The following DHPS variants were observed in gnomAD, a reference collection of about 807,000 sequenced individuals.
The protein encoded by DHPS is migration-inducing gene 13.
In DHPS, 24 loss-of-function variants were observed where a neutral mutation model predicts 38.7. That is an observed-to-expected ratio of 0.62 (90% CI 0.45 to 0.87). The LOEUF is 0.87. Ranked by LOEUF, DHPS falls within the 40% of genes least tolerant of loss-of-function variation. DHPS has a pLI of 0.00. For missense variants in DHPS, 510 were observed against 497.6 expected (o/e 1.02, Z -0.24); for synonymous variants, 250 against 204.4 (o/e 1.22, Z -1.90).
At chr19:12,679,350 AG>A in intron 5 of DHPS, 106 bp downstream of exon 5, 1 of 1,075,464 alleles carries the variant, frequency 9.3e-7, no homozygotes, top group Non-Finnish European at 1.4e-6. Flanking sequence ...CTCATCTAAG[AG>A]TGAGGATGCT....
rs1050609 is a variant in DHPS at position 12,680,279 on chromosome 19, G to A, written c.254C>T (p.Ala85Val). ...EPLSQDEDQH[A>V]DLTQSRRPLT... ...TGGGCGGCGGCTCTGGGTCAGGTCC[G>A]CGTGCTGGTCTTCATCCTGTGACAG... The change falls in exon 2 of 9, where the codon GCG (alanine) becomes GTG (valine). Residue 85 changes from alanine to valine, a missense_variant. Transcript: ENST00000210060. 7.1e-5 allele frequency: 115 copies of A among 1,613,994 alleles called. No individual in the cohort carries two copies. Among genetic ancestry groups the A allele is most frequent in the Non-Finnish European group, 8.6e-5 (101 of 1,180,026 alleles).
At chr19:12,679,329 G>A in intron 5 of DHPS, 128 bp downstream of exon 5, 1 of 918,186 alleles carries the variant, frequency 1.1e-6, no homozygotes, top group Non-Finnish European at 1.7e-6. Flanking sequence ...GCCTATCTGT[G>A]TTTGAGTCTC....
Position 12,680,344 on chromosome 19 carries a change from T to C in DHPS, c.208-19A>G, listed in dbSNP as rs1205979656. 1.2e-6 allele frequency: 2 copies of C among 1,613,708 alleles called. No individual in the cohort carries two copies. Among genetic ancestry groups the C allele is most frequent in the African/African-American group, 2.7e-5 (2 of 74,904 alleles). On this transcript the variant is annotated intron_variant, in intron 1 of 8. Transcript: ENST00000210060. ...TCTCGATCTGTGAGTAAGGGCCAAG[T>C]CAAGTTAAGCACTGGCCTTAAATCC...
chr19:12,680,305 T>C lies in DHPS; in HGVS notation c.228A>G (p.Pro76=), dbSNP rs2024764247. 6.2e-7 allele frequency: 1 copy of C among 1,614,170 alleles called. No homozygotes were observed. Among genetic ancestry groups the C allele is most frequent in the East Asian group, 2.2e-5 (1 of 44,884 alleles). ...VNAMIEKKLE[P]LSQDEDQHAD... is the part of the protein sequence containing the mutation. ...CGTGCTGGTCTTCATCCTGTGACAGTGGTTCCAGCTTCTTCTCGATCTGTG... is the reference window on the plus strand; with the variant it reads ...CGTGCTGGTCTTCATCCTGTGACAGCGGTTCCAGCTTCTTCTCGATCTGTG... The change falls in exon 2 of 9, where the codon CCA becomes CCG. Residue 76 remains proline, a synonymous_variant. Coordinates refer to ENST00000210060, the MANE Select transcript of DHPS (RefSeq NM_001930.4).
chr19:12,672,836 C>T, downstream of DHPS: 1 of 1,573,782 alleles, frequency 6.4e-7, no homozygotes, highest in Non-Finnish European at 8.6e-7. Flanking sequence ...TGGATCTACC[C>T]TCTCCTGCAG....
At chr19:12,673,179 C>T (rs1303621485), downstream of DHPS, 4 of 1,613,454 alleles carry the variant, frequency 2.5e-6, no homozygotes, top group South Asian at 4.4e-5. Flanking sequence ...AGGACCAAGC[C>T]CCCCGATCCT....
intron 5 of DHPS, among the ~76,000 whole-genome samples, chr19:12,678,768 CAAAAAAAAAA>C (rs1183531365): frequency 1.7e-4 from 8 of 46,340 alleles, no homozygotes; most frequent in African/African-American, 6.5e-4. Flanking sequence ...GACTCTGTCT[CAAAAAAAAAA>C]AAAAAAAAAA....
downstream of DHPS, chr19:12,673,054 G>T (rs1182706177): frequency 1.2e-6 from 2 of 1,613,616 alleles, no homozygotes; most frequent in Non-Finnish European, 1.7e-6. Flanking sequence ...AGTGCACCCT[G>T]GTGTCCAGCC....
downstream of DHPS, chr19:12,672,807 G>A (rs1297750223): frequency 6.4e-7 from 1 of 1,552,024 alleles, no homozygotes; most frequent in Non-Finnish European, 8.7e-7. Flanking sequence ...AGCCATGTGA[G>A]TGTAGTCAAG....
At chr19:12,674,037 G>A (rs150848756), downstream of DHPS, among the ~76,000 whole-genome samples, 4 of 152,310 alleles carry the variant, frequency 2.6e-5, no homozygotes, top group African/African-American at 9.6e-5. Context: ...GGGCATTCCA[G>A]GCAAAGGGAA....
intron 1 of DHPS, among the ~76,000 whole-genome samples, chr19:12,680,859 G>T (rs1408190869): frequency 2.6e-5 from 3 of 116,174 alleles, no homozygotes; most frequent in Non-Finnish European, 5.0e-5. Context: ...TTTTGAGACA[G>T]AGTATCGCTC....
downstream of DHPS, chr19:12,672,764 C>G: frequency 7.2e-7 from 1 of 1,393,888 alleles, no homozygotes; most frequent in South Asian, 1.2e-5. Flanking sequence ...GAAGAGCAGG[C>G]CCACTGGGCT....
chr19:12,675,442 G>A, downstream of DHPS: 5 of 1,547,282 alleles, frequency 3.2e-6, no homozygotes, highest in South Asian at 6.0e-5. Flanking sequence ...AGGCAGGACT[G>A]AGATGGGGGG....
chr19:12,680,022 G>A, intron 2 of DHPS, 100 bp from the exon 3 acceptor site: 1 of 1,557,588 alleles, frequency 6.4e-7, no homozygotes, highest in East Asian at 2.3e-5. Context: ...CTCTTATGAG[G>A]GAGCTCTGCT....
chr19:12,679,581 G>C, intron 4 of DHPS, 38 bp from the exon 5 acceptor site: 2 of 1,613,110 alleles, frequency 1.2e-6, no homozygotes, highest in Non-Finnish European at 1.7e-6. Flanking sequence ...TGCCTCCCCT[G>C]ACTCCCACTG....
At chr19:12,680,987 C>G (rs928279692) in intron 1 of DHPS, 28 of 409,660 alleles carry the variant, frequency 6.8e-5, no homozygotes, top group African/African-American at 6.2e-4. Context: ...GCGCGCAACA[C>G]CATGCCCGGC....
chr19:12,681,149 G>T (rs1343918288), intron 1 of DHPS: 3 of 1,277,520 alleles, frequency 2.3e-6, no homozygotes, highest in Non-Finnish European at 3.0e-6. Flanking sequence ...ACCCTTTTAG[G>T]AATCAGAGAG....
At chr19:12,674,075 G>A (rs568080985), downstream of DHPS, among the ~76,000 whole-genome samples, 6 of 152,330 alleles carry the variant, frequency 3.9e-5, no homozygotes, top group African/African-American at 7.2e-5. Flanking sequence ...TGTAGCCTGC[G>A]CATGCATCAG....
Position 12,679,417 on chromosome 19 carries a change from T to C in DHPS, c.678+40A>G, listed in dbSNP as rs750773270. 5 of 1,578,960 alleles carry C rather than the reference T, an allele frequency of 3.2e-6. No individual in the cohort carries two copies. The African/African-American group carries it at 5.4e-5, about 17-fold the overall frequency. ...TGGAAAGATGAAATAAGTTAACACA[T>C]GCCAAAGTCTGGCTACTTTGCTCCC... On this transcript the variant is annotated intron_variant, in intron 5 of 8. Transcript: ENST00000210060.
Sources: allele counts gnomAD v4.1 joint callset (sites outside exome capture counted in the v4.1 genomes callset), GRCh38; gene constraint gnomAD v4.1.1; transcripts MANE v1.5; gene names NCBI Gene and HGNC (gene_info 2026-07-23, HGNC 2026-07-21).